Variants in RAD51 observed in about 807,000 individuals in gnomAD.
The protein encoded by RAD51 is DNA repair protein RAD51 homolog 1.
Under a neutral mutation model 41.5 loss-of-function variants are expected in RAD51, and 14 were observed. That is an observed-to-expected ratio of 0.34 (90% CI 0.22 to 0.53). The LOEUF is 0.53. Among genes scored for constraint, RAD51 ranks in the 20% least tolerant of loss-of-function variants. The pLI is 0.95. For synonymous variants in RAD51, 136 were observed against 148.6 expected, an observed-to-expected ratio of 0.92 and a Z score of 0.62; for missense variants, 234 against 422.0, an observed-to-expected ratio of 0.55 and a Z score of 3.90.
chr15:40,729,998 C>G (rs4423392), intron 9 of RAD51, 24 bp downstream of exon 9: 5 of 1,612,262 alleles, frequency 3.1e-6, no homozygotes, highest in Non-Finnish European at 4.2e-6. Context: ...GGGATCAGTT[C>G]TTCTTTTCGG....
At chr15:40,716,617 G>C (rs1895999635) in intron 5 of RAD51, among the ~76,000 whole-genome samples, 1 of 150,132 alleles carries the variant, frequency 6.7e-6, no homozygotes. Context: ...CCACTCGCTG[G>C]GATTACAGGT....
chr15:40,723,790 C>T (rs996169057), intron 6 of RAD51, among the ~76,000 whole-genome samples: 4 of 152,166 alleles, frequency 2.6e-5, no homozygotes, highest in Non-Finnish European at 4.4e-5. Flanking sequence ...TTTATACTTA[C>T]AGCAGGTCAT....
intron 5 of RAD51, among the ~76,000 whole-genome samples, chr15:40,711,272 A>G (rs1322677008): frequency 6.6e-6 from 1 of 152,130 alleles, no homozygotes; most frequent in African/African-American, 2.4e-5. Flanking sequence ...ACAGACAATT[A>G]AAAATATTAG....
chr15:40,724,445 C>T (rs1596016677), intron 6 of RAD51, among the ~76,000 whole-genome samples: 1 of 151,980 alleles, frequency 6.6e-6, no homozygotes, highest in African/African-American at 2.4e-5. Context: ...CTATTGGATG[C>T]CCAAGCAGTA....
At chr15:40,700,927 C>T (rs1894945509) in intron 2 of RAD51, 137 bp from the exon 3 acceptor site, 5 of 809,080 alleles carry the variant, frequency 6.2e-6, no homozygotes, top group African/African-American at 1.8e-5. Flanking sequence ...CCATCTCCCC[C>T]CGCCCCCCCA....
At chr15:40,726,556 G>C (rs1160410507) in intron 6 of RAD51, among the ~76,000 whole-genome samples, 1 of 151,778 alleles carries the variant, frequency 6.6e-6, no homozygotes, top group Non-Finnish European at 1.5e-5. Flanking sequence ...AGCCTGCCCA[G>C]GAATTTGTTT....
At position 40,730,986 on chromosome 15, in the gene RAD51, G is replaced by C. The variant is rs539233444; in HGVS notation, c.897-69G>C. On this transcript the variant is annotated intron_variant, in intron 9 of 9. Coordinates refer to ENST00000267868, the MANE Select transcript of RAD51 (RefSeq NM_002875.5). ...ATATGTCTAAAAAATTTTCAGCTCT[G>C]TTACAAAGTCAGGAACGGAATTGTT... 4 of 1,605,934 alleles carry C rather than the reference G, an allele frequency of 2.5e-6. No individual in the cohort carries two copies. In the African/African-American group the frequency reaches 5.4e-5, roughly 21 times the overall value.
At chr15:40,719,409 A>T (rs1333370202) in intron 6 of RAD51, among the ~76,000 whole-genome samples, 1 of 152,118 alleles carries the variant, frequency 6.6e-6, no homozygotes, top group African/African-American at 2.4e-5. Context: ...AAAAAAAAAA[A>T]ATCCAACTAT....
intron 5 of RAD51, among the ~76,000 whole-genome samples, chr15:40,710,991 A>G (rs773532256): frequency 1.1e-4 from 16 of 152,102 alleles, no homozygotes; most frequent in Non-Finnish European, 1.9e-4. Context: ...TTATGCTCCT[A>G]TTGGTGGGAA....
At chr15:40,724,863 A>AGAGACGAAG (rs1896485845) in intron 6 of RAD51, among the ~76,000 whole-genome samples, 4 of 122,522 alleles carry the variant, frequency 3.3e-5, no homozygotes, top group African/African-American at 1.2e-4. Flanking sequence ...GTATTTTTTA[A>AGAGACGAAG]TTTTAATTTT....
intron 5 of RAD51, among the ~76,000 whole-genome samples, chr15:40,711,435 C>T (rs1895701582): frequency 6.6e-6 from 1 of 152,064 alleles, no homozygotes; most frequent in South Asian, 2.1e-4. Flanking sequence ...GTGTTTGGCT[C>T]TCAGTAAACA....
At chr15:40,703,754 T>C (rs1195767560) in intron 3 of RAD51, among the ~76,000 whole-genome samples, 1 of 152,166 alleles carries the variant, frequency 6.6e-6, no homozygotes, top group African/African-American at 2.4e-5. Flanking sequence ...GTCAATTTTG[T>C]TGATATTTTC....
At chr15:40,726,658 T>C (rs1191714720) in intron 6 of RAD51, among the ~76,000 whole-genome samples, 1 of 151,386 alleles carries the variant, frequency 6.6e-6, no homozygotes, top group Non-Finnish European at 1.5e-5. Context: ...CTCATGCCTG[T>C]AATCCCAGCA....
At chr15:40,710,344 A>G (rs944899586) in intron 5 of RAD51, among the ~76,000 whole-genome samples, 10 of 149,300 alleles carry the variant, frequency 6.7e-5, no homozygotes, top group African/African-American at 2.2e-4. Flanking sequence ...TCTACTAAAA[A>G]TACAAAAATT....
chr15:40,714,068 A>G (rs915379232), intron 5 of RAD51, among the ~76,000 whole-genome samples: 4 of 149,454 alleles, frequency 2.7e-5, no homozygotes, highest in Admixed American at 6.8e-5. Context: ...AGCGCAAGCA[A>G]TCCTCCAACC....
intron 5 of RAD51, 152 bp from the exon 6 acceptor site, chr15:40,718,653 A>G (rs1318180975): frequency 5.8e-6 from 4 of 688,666 alleles, no homozygotes; most frequent in Non-Finnish European, 1.1e-5. Flanking sequence ...ATTTCTATTA[A>G]TATCAGAAGG....
At chr15:40,725,381 G>T (rs1050369323) in intron 6 of RAD51, among the ~76,000 whole-genome samples, 5 of 152,074 alleles carry the variant, frequency 3.3e-5, no homozygotes, top group Non-Finnish European at 7.4e-5. Context: ...TTTTAATCAG[G>T]TCTCTTTATC....
intron 4 of RAD51, 144 bp from the exon 5 acceptor site, chr15:40,708,881 A>G: frequency 2.6e-6 from 2 of 781,702 alleles, no homozygotes; most frequent in South Asian, 3.0e-5. Context: ...GCCTCAAAAT[A>G]CATTTGTGAA....
chr15:40,723,416 A>G (rs939575973), intron 6 of RAD51, among the ~76,000 whole-genome samples: 16 of 152,228 alleles, frequency 1.1e-4, no homozygotes, highest in African/African-American at 3.6e-4. Context: ...TCATTATAAT[A>G]GCCCAAAATG....
Sources: gnomAD v4.1 joint callset for allele counts (sites outside exome capture counted in the v4.1 genomes callset) on GRCh38, gnomAD v4.1.1 for gene constraint, MANE v1.5 for transcripts, NCBI Gene and HGNC (gene_info 2026-07-23, HGNC 2026-07-21) for gene names.